RBFOX3: variants seen among roughly 807,000 people sequenced by gnomAD.
RBFOX3 encodes RNA binding protein fox-1 homolog 3.
Under a neutral mutation model 48.7 loss-of-function variants are expected in RBFOX3, and 17 were observed. The ratio of observed to expected loss-of-function variants is 0.35; its 90% CI spans 0.24 to 0.52. The LOEUF (loss-of-function observed/expected upper bound fraction) is 0.52. RBFOX3 is among the 20% of genes least tolerant of loss of function. The pLI is 0.94. For missense variants in RBFOX3, 382 were observed against 497.5 expected, an observed-to-expected ratio of 0.77 and a Z score of 2.21; for synonymous variants, 212 against 209.5, an observed-to-expected ratio of 1.01 and a Z score of -0.10.
intron 4 of RBFOX3, among the ~76,000 whole-genome samples, chr17:79,116,514 T>C (rs2034013408): frequency 6.6e-6 from 1 of 152,200 alleles, no homozygotes; most frequent in Non-Finnish European, 1.5e-5. Context: ...AAACTTCATC[T>C]TCAAATAATT....
intron 1 of RBFOX3, among the ~76,000 whole-genome samples, chr17:79,497,442 G>A (rs2081704940): frequency 6.6e-6 from 1 of 152,080 alleles, no homozygotes; most frequent in African/African-American, 2.4e-5. Context: ...CAAGCAATAC[G>A]TTTGGGAAAA....
At chr17:79,264,307 C>T (rs1164085632) in intron 3 of RBFOX3, among the ~76,000 whole-genome samples, 1 of 151,790 alleles carries the variant, frequency 6.6e-6, no homozygotes, top group Non-Finnish European at 1.5e-5. Flanking sequence ...AACTCCTGAC[C>T]TCAGGTGATC....
intron 3 of RBFOX3, among the ~76,000 whole-genome samples, chr17:79,295,238 A>G (rs1168385492): frequency 6.6e-6 from 1 of 152,228 alleles, no homozygotes; most frequent in Non-Finnish European, 1.5e-5. Flanking sequence ...CACTAAATCC[A>G]CAGCGCTAGA....
At chr17:79,291,626 G>A (rs150930120) in intron 3 of RBFOX3, among the ~76,000 whole-genome samples, 3 of 152,290 alleles carry the variant, frequency 2.0e-5, no homozygotes, top group South Asian at 2.1e-4. Flanking sequence ...CTGCAGAGCC[G>A]GAATGGCTCA....
intron 3 of RBFOX3, among the ~76,000 whole-genome samples, chr17:79,241,150 GCTAT>G (rs745660417): frequency 2.1e-4 from 31 of 151,192 alleles, no homozygotes; most frequent in Non-Finnish European, 3.7e-4. Context: ...TATCTATCTA[GCTAT>G]CTATCTGTCT....
At chr17:79,587,209 G>T (rs2093277411) in intron 1 of RBFOX3, among the ~76,000 whole-genome samples, 1 of 152,232 alleles carries the variant, frequency 6.6e-6, no homozygotes, top group Non-Finnish European at 1.5e-5. Flanking sequence ...TAGGAAGGTG[G>T]TGTGAGGAGA....
At chr17:79,445,533 A>C (rs1401603678) in intron 2 of RBFOX3, among the ~76,000 whole-genome samples, 1 of 152,156 alleles carries the variant, frequency 6.6e-6, no homozygotes, top group Non-Finnish European at 1.5e-5. Context: ...CAGATCTTCA[A>C]GACAAGCCCA....
At chr17:79,532,508 T>C (rs2087952379) in intron 1 of RBFOX3, among the ~76,000 whole-genome samples, 2 of 152,270 alleles carry the variant, frequency 1.3e-5, no homozygotes, top group East Asian at 1.9e-4. Flanking sequence ...GTGAGTGGAC[T>C]GGGCAGGGGG....
rs1252436418 is a variant in RBFOX3, at chr17:79,249,040, G to A, written c.-73-13235C>T. Among the ~76,000 whole-genome samples, 1 of 152,206 alleles carries A rather than the reference G, an allele frequency of 6.6e-6. No individual in the cohort carries two copies. Among genetic ancestry groups the A allele is most frequent in the Non-Finnish European group, 1.5e-5 (1 of 68,050 alleles). ...GATGCGGTGCGGTCTTCCGCCAGCGGGGCCAGAACCCAGAGCGAGGCTGCC... is the reference window on the plus strand; with the variant it reads ...GATGCGGTGCGGTCTTCCGCCAGCGAGGCCAGAACCCAGAGCGAGGCTGCC... On this transcript the variant is annotated intron_variant, in intron 3 of 14. Coordinates refer to ENST00000693108, the MANE Select transcript of RBFOX3 (RefSeq NM_001350451.2). The surrounding 1 kb of genome is among the most constrained non-coding windows in gnomAD (Gnocchi z 4.1).
At chr17:79,579,829 G>A (rs1474658605) in intron 1 of RBFOX3, among the ~76,000 whole-genome samples, 2 of 140,688 alleles carry the variant, frequency 1.4e-5, no homozygotes, top group East Asian at 4.5e-4. Flanking sequence ...CGCTGTGGTG[G>A]GGAGTCACTG....
intron 2 of RBFOX3, among the ~76,000 whole-genome samples, chr17:79,340,915 C>A (rs532363791): frequency 6.6e-6 from 1 of 152,252 alleles, no homozygotes; most frequent in South Asian, 2.1e-4. Flanking sequence ...TGTTTGAAAA[C>A]CTTTCAGAAT....
chr17:79,185,104 T>A (rs1013222608), intron 4 of RBFOX3, among the ~76,000 whole-genome samples: 11 of 138,858 alleles, frequency 7.9e-5, no homozygotes, highest in African/African-American at 3.8e-4. Flanking sequence ...CTTGTTCATC[T>A]TCTTCGTAGA....
intron 3 of RBFOX3, among the ~76,000 whole-genome samples, chr17:79,296,315 A>G (rs1435681417): frequency 6.6e-6 from 1 of 151,484 alleles, no homozygotes; most frequent in Non-Finnish European, 1.5e-5. Context: ...CCACACACAC[A>G]CACACACACA....
At chr17:79,279,301 C>T (rs868749642) in intron 3 of RBFOX3, among the ~76,000 whole-genome samples, 2 of 152,132 alleles carry the variant, frequency 1.3e-5, no homozygotes, top group African/African-American at 4.8e-5. Flanking sequence ...AGTAGGCACT[C>T]GATATTTATA....
At chr17:79,093,319 G>A (rs2074356155) in intron 14 of RBFOX3, among the ~76,000 whole-genome samples, 1 of 151,724 alleles carries the variant, frequency 6.6e-6, no homozygotes, top group African/African-American at 2.4e-5. Context: ...AACACAGCAA[G>A]TGCAAGAGAA....
At chr17:79,149,462 G>A (rs1599679563) in intron 4 of RBFOX3, among the ~76,000 whole-genome samples, 1 of 152,290 alleles carries the variant, frequency 6.6e-6, no homozygotes, top group East Asian at 1.9e-4. Context: ...GGGAGGAGCA[G>A]GGCTGGACAC....
At chr17:79,436,027 A>T (rs542673532) in intron 2 of RBFOX3, among the ~76,000 whole-genome samples, 2 of 152,350 alleles carry the variant, frequency 1.3e-5, no homozygotes, top group African/African-American at 4.8e-5. Context: ...CACCGCCCCC[A>T]TGAGACCTGC....
chr17:79,098,763 G>C (rs1212736164), intron 9 of RBFOX3: 4 of 152,374 alleles, frequency 2.6e-5, no homozygotes, highest in Non-Finnish European at 1.5e-5. Context: ...CCCCTCCTCA[G>C]TGTACCCAGG....
intron 1 of RBFOX3, among the ~76,000 whole-genome samples, chr17:79,596,350 G>T (rs983498459): frequency 1.3e-5 from 2 of 152,212 alleles, no homozygotes; most frequent in African/African-American, 4.8e-5. Flanking sequence ...CGGGGTCCTT[G>T]TTCCTCTGAC....
Sources: gnomAD v4.1 joint callset for allele counts (sites outside exome capture counted in the v4.1 genomes callset) on GRCh38, gnomAD v4.1.1 for gene constraint, Gnocchi (gnomAD v3.1) non-coding constraint, MANE v1.5 for transcripts, NCBI Gene and HGNC (gene_info 2026-07-23, HGNC 2026-07-21) for gene names.